The following SCFD2 variants were observed in gnomAD, a reference collection of about 807,000 sequenced individuals.
The protein encoded by SCFD2 is sec1 family domain-containing protein 2.
Under a neutral mutation model 58.9 loss-of-function variants are expected in SCFD2, and 54 were observed. The ratio of observed to expected loss-of-function variants is 0.92; its 90% CI spans 0.74 to 1.15. The LOEUF is 1.15. Ranked by LOEUF, SCFD2 falls within the 50% of genes most tolerant of loss-of-function variation. The pLI is 0.00. For missense variants in SCFD2, 805 were observed against 836.6 expected (o/e 0.96, Z 0.47); for synonymous variants, 321 against 335.9 (o/e 0.96, Z 0.49).
chr4:52,890,712 C>T (rs1718860700), intron 7 of SCFD2, among the ~76,000 whole-genome samples: 1 of 152,160 alleles, frequency 6.6e-6, no homozygotes, highest in South Asian at 2.1e-4. Flanking sequence ...TTTAAGACAT[C>T]AGTTCTGGTG....
At position 52,897,933 on chromosome 4, in the gene SCFD2, T is replaced by G. The variant is rs369775616; in HGVS notation, c.1842+9524A>C. On this transcript the variant is annotated intron_variant, in intron 7 of 8. Transcript: ENST00000401642. ...ATCTATTTCTTCTAGATTTTGTAGT[T>G]TATTTGCGCAGAGGTGTTTATAGTA... Among the ~76,000 whole-genome samples the G allele has an allele frequency of 9.2e-5, 14 of 152,352 alleles. No individual in the cohort carries two copies. In the East Asian group the frequency reaches 9.6e-4, roughly 10 times the overall value.
intron 2 of SCFD2, among the ~76,000 whole-genome samples, chr4:53,315,049 A>C (rs1363664056): frequency 6.6e-6 from 1 of 152,182 alleles, no homozygotes; most frequent in Non-Finnish European, 1.5e-5. Context: ...ATACAAAAGC[A>C]AATAAATTAC....
chr4:53,112,107 G>A (rs1725189112), intron 5 of SCFD2, among the ~76,000 whole-genome samples: 1 of 152,118 alleles, frequency 6.6e-6, no homozygotes, highest in Non-Finnish European at 1.5e-5. Flanking sequence ...TCAATAGATG[G>A]AATGGAAGAG....
chr4:52,988,627 T>C (rs1721551618), intron 5 of SCFD2, among the ~76,000 whole-genome samples: 1 of 152,188 alleles, frequency 6.6e-6, no homozygotes. Context: ...AACCATCAGG[T>C]ACAGATGAAG....
chr4:53,302,004 A>G (rs62324294), intron 3 of SCFD2, among the ~76,000 whole-genome samples: 43 of 152,116 alleles, frequency 2.8e-4, no homozygotes, highest in East Asian at 1.9e-4. Flanking sequence ...CATACTGAAT[A>G]GGCAAAAACT....
chr4:53,205,584 A>T (rs1728379897), intron 4 of SCFD2, among the ~76,000 whole-genome samples: 1 of 152,122 alleles, frequency 6.6e-6, no homozygotes. Flanking sequence ...AGAACCAAAG[A>T]TGAAAAAGGC....
chr4:53,255,233 T>C (rs1730568163), intron 4 of SCFD2, among the ~76,000 whole-genome samples: 1 of 70,134 alleles, frequency 1.4e-5, no homozygotes, highest in Non-Finnish European at 3.5e-5. Context: ...TTATTTTTTA[T>C]GGATCATTCT....
At chr4:52,995,635 AC>A (rs1237482336) in intron 5 of SCFD2, among the ~76,000 whole-genome samples, 2 of 152,350 alleles carry the variant, frequency 1.3e-5, no homozygotes, top group East Asian at 3.9e-4. Flanking sequence ...TTCACAATAA[AC>A]CTTTGTTGAA....
intron 7 of SCFD2, among the ~76,000 whole-genome samples, chr4:52,905,557 G>A (rs1363761570): frequency 6.6e-6 from 1 of 152,196 alleles, no homozygotes; most frequent in Non-Finnish European, 1.5e-5. Context: ...GCTGCTGGGA[G>A]AACATAAATT....
chr4:53,356,372 G>A lies in SCFD2; in HGVS notation c.839-3606C>T, dbSNP rs375981120. ...TCACTAAACCTAGCCCACACTCAAGGGCAGGGGAATTTAAACTGTATTTCT... is the reference window on the plus strand; with the variant it reads ...TCACTAAACCTAGCCCACACTCAAGAGCAGGGGAATTTAAACTGTATTTCT... On this transcript the variant is annotated intron_variant, in intron 1 of 8. Coordinates refer to ENST00000401642, the MANE Select transcript of SCFD2 (RefSeq NM_152540.4). Among the ~76,000 whole-genome samples, 4 of 152,294 alleles carry A rather than the reference G, an allele frequency of 2.6e-5. No homozygotes were observed. The East Asian group carries it at 7.7e-4, about 29-fold the overall frequency.
At chr4:53,244,827 A>G (rs1204763347) in intron 4 of SCFD2, among the ~76,000 whole-genome samples, 1 of 144,330 alleles carries the variant, frequency 6.9e-6, no homozygotes, top group Non-Finnish European at 1.6e-5. Context: ...TCTGAAAAAA[A>G]AAAATAATAA....
intron 7 of SCFD2, among the ~76,000 whole-genome samples, chr4:52,904,212 G>A (rs1298413315): frequency 2.0e-5 from 3 of 152,238 alleles, no homozygotes; most frequent in Admixed American, 2.0e-4. Flanking sequence ...AGAGATGGAT[G>A]AGCGGCTCAG....
At chr4:53,307,606 G>A (rs915883315) in intron 3 of SCFD2, among the ~76,000 whole-genome samples, 1 of 152,196 alleles carries the variant, frequency 6.6e-6, no homozygotes, top group Non-Finnish European at 1.5e-5. Context: ...AGGATAAAAA[G>A]AGAACTCCAA....
At chr4:53,281,338 G>T (rs1731502843) in intron 3 of SCFD2, among the ~76,000 whole-genome samples, 1 of 152,106 alleles carries the variant, frequency 6.6e-6, no homozygotes, top group Non-Finnish European at 1.5e-5. Flanking sequence ...GATACCATGA[G>T]CCCTGACTCC....
chr4:53,041,912 C>T (rs1722910028), intron 5 of SCFD2, among the ~76,000 whole-genome samples: 1 of 152,092 alleles, frequency 6.6e-6, no homozygotes, highest in African/African-American at 2.4e-5. Flanking sequence ...TATATTCATC[C>T]TCTTTTCAGT....
At chr4:53,164,216 C>T (rs1040220764) in intron 4 of SCFD2, among the ~76,000 whole-genome samples, 7 of 152,186 alleles carry the variant, frequency 4.6e-5, no homozygotes, top group Middle Eastern at 3.4e-3. Context: ...GCCTGGTGTG[C>T]GAGGTATATT....
At position 53,184,126 on chromosome 4, in the gene SCFD2, T is replaced by C. The variant is rs573624937; in HGVS notation, c.1312-38544A>G. Among the ~76,000 whole-genome samples the C allele has an allele frequency of 3.3e-5, 5 of 152,282 alleles. No homozygotes were observed. In the South Asian group the frequency reaches 1.0e-3, roughly 32 times the overall value. Reference sequence around the variant, plus strand: ...GTACTATAACTAGTGGTAAAGGCCATTGTATTGGAGATTGTTTCTTGTGCC... The same window carrying C: ...GTACTATAACTAGTGGTAAAGGCCACTGTATTGGAGATTGTTTCTTGTGCC... On this transcript the variant is annotated intron_variant, in intron 4 of 8. Coordinates refer to ENST00000401642, the MANE Select transcript of SCFD2 (RefSeq NM_152540.4).
At chr4:53,362,198 T>C (rs1297399695) in intron 1 of SCFD2, among the ~76,000 whole-genome samples, 1 of 152,038 alleles carries the variant, frequency 6.6e-6, no homozygotes, top group Non-Finnish European at 1.5e-5. Context: ...GAAAGCCATA[T>C]GGATACCTCG....
intron 5 of SCFD2, among the ~76,000 whole-genome samples, chr4:53,114,330 G>A (rs1162083325): frequency 2.6e-5 from 4 of 152,080 alleles, no homozygotes; most frequent in Non-Finnish European, 5.9e-5. Flanking sequence ...TGCACATGGA[G>A]GTTCCTGGTA....
Sources: allele counts gnomAD v4.1 joint callset (sites outside exome capture counted in the v4.1 genomes callset), GRCh38; gene constraint gnomAD v4.1.1; transcripts MANE v1.5; gene names NCBI Gene and HGNC (gene_info 2026-07-23, HGNC 2026-07-21).